SCLT1: variants seen among roughly 807,000 people sequenced by gnomAD.
The protein encoded by SCLT1 is sodium channel and clathrin linker 1, also known as sodium channel-associated protein 1.
SCLT1 carries 78 observed loss-of-function variants against 112.8 expected under a neutral mutation model. The observed-to-expected ratio is 0.69, with a 90% CI of 0.58 to 0.83. SCLT1 has a LOEUF of 0.83. Among genes scored for constraint, SCLT1 ranks in the 40% least tolerant of loss-of-function variants. SCLT1 has a pLI of 0.00. For synonymous variants in SCLT1, 257 were observed against 254.7 expected, an observed-to-expected ratio of 1.01 and a Z score of -0.09; for missense variants, 747 against 770.4, an observed-to-expected ratio of 0.97 and a Z score of 0.36.
intron 9 of SCLT1, among the ~76,000 whole-genome samples, chr4:128,978,561 A>G (rs13124420): frequency 0.088 from 13,357 of 152,116 alleles, 753 homozygotes; most frequent in South Asian, 0.15. Flanking sequence ...AGGAAAATCA[A>G]CAACCAAGGA....
chr4:128,955,513 T>C (rs1422584214), intron 13 of SCLT1, among the ~76,000 whole-genome samples: 1 of 152,216 alleles, frequency 6.6e-6, no homozygotes, highest in Non-Finnish European at 1.5e-5. Flanking sequence ...TTCAATTTTA[T>C]AGCCAGAACA....
intron 2 of SCLT1, among the ~76,000 whole-genome samples, chr4:129,064,826 G>A (rs1750326998): frequency 1.3e-5 from 2 of 152,044 alleles, no homozygotes; most frequent in Non-Finnish European, 2.9e-5. Flanking sequence ...ATAGCTAAAT[G>A]CCACTGTGGT....
At chr4:129,051,790 C>A (rs940227270) in intron 2 of SCLT1, among the ~76,000 whole-genome samples, 2 of 152,140 alleles carry the variant, frequency 1.3e-5, no homozygotes, top group Non-Finnish European at 1.5e-5. Flanking sequence ...GAGAGGGCAT[C>A]CTTGTCACGT....
rs1286598050 is a variant in SCLT1, at chr4:128,970,279, C to A, written c.777+99G>T. On this transcript the variant is annotated intron_variant, in intron 10 of 20. Transcript: ENST00000281142. ...AAGGGTATTAAAATAATTAATTCAT[C>A]TTCTGACAACCCTCTTTAACACCTA... The A allele has an allele frequency of 1.0e-5, 7 of 693,930 alleles. No individual in the cohort carries two copies. The African/African-American group carries it at 1.1e-4, about 11-fold the overall frequency. 43.0% of individuals were successfully genotyped at this position (693,930 alleles called of 1,614,324 possible). A position where few individuals can be genotyped will look rare whatever the true frequency, so the allele number is the denominator to read the frequency against.
At chr4:128,944,344 A>G (rs1737960662) in intron 16 of SCLT1, among the ~76,000 whole-genome samples, 1 of 152,134 alleles carries the variant, frequency 6.6e-6, no homozygotes, top group South Asian at 2.1e-4. Context: ...CTCCTAATAG[A>G]CGTCCACAAT....
chr4:129,038,708 A>T (rs536607981), intron 5 of SCLT1, among the ~76,000 whole-genome samples: 9 of 152,248 alleles, frequency 5.9e-5, no homozygotes, highest in African/African-American at 1.9e-4. Flanking sequence ...TAACATACAT[A>T]TATATTATAT....
chr4:128,978,165 G>A (rs1741342604), intron 9 of SCLT1, among the ~76,000 whole-genome samples: 1 of 152,128 alleles, frequency 6.6e-6, no homozygotes. Context: ...GAGGTTCCAT[G>A]TATAAGATTT....
intron 2 of SCLT1, among the ~76,000 whole-genome samples, chr4:129,060,101 T>C (rs1749818549): frequency 6.6e-6 from 1 of 152,208 alleles, no homozygotes; most frequent in Non-Finnish European, 1.5e-5. Flanking sequence ...TTGTTCTGCT[T>C]GATCAAGTCT....
chr4:129,093,337 C>G lies in SCLT1; in HGVS notation c.-234G>C. 1.7e-6 allele frequency: 1 copy of G among 571,846 alleles called. No homozygotes were observed. Among genetic ancestry groups the G allele is most frequent in the Non-Finnish European group, 3.1e-6 (1 of 319,790 alleles). The allele number at this position is 571,846 out of a possible 1,614,324, so 35.4% of individuals were successfully genotyped here. ...AGACTGAAGATTGCTGGGGACTCCA[C>G]GTTCAACCGAATCCCACGCTGGTGG... On this transcript the variant is annotated 5_prime_UTR_variant, in exon 1 of 21. Coordinates refer to ENST00000281142, the MANE Select transcript of SCLT1 (RefSeq NM_144643.4).
rs145237590 is a variant in SCLT1 at position 128,951,331 on chromosome 4, T to C, written c.1218+1438A>G. 4.5e-3 allele frequency among the ~76,000 whole-genome samples: 691 copies of C among 152,268 alleles called. 5 individuals are homozygous for C. The highest frequency in any genetic ancestry group is 6.8e-3 in the Non-Finnish European group (465 of 67,966). On this transcript the variant is annotated intron_variant, in intron 14 of 20. Coordinates refer to ENST00000281142, the MANE Select transcript of SCLT1 (RefSeq NM_144643.4). ...CAATTACACAGTATAGTTCTCCCCA[T>C]AGAATCAACATGACTATGAGATGTT...
chr4:128,933,575 T>C (rs1315970155), intron 18 of SCLT1, among the ~76,000 whole-genome samples: 2 of 152,114 alleles, frequency 1.3e-5, no homozygotes. Flanking sequence ...CCCAAATCTG[T>C]AATCAATCAT....
chr4:129,026,266 C>A (rs1029767486), intron 5 of SCLT1, among the ~76,000 whole-genome samples: 1 of 152,100 alleles, frequency 6.6e-6, no homozygotes, highest in African/African-American at 2.4e-5. Context: ...AGCACCACAC[C>A]ACACCTATTC....
chr4:128,987,969 T>C (rs1034599294), intron 9 of SCLT1, among the ~76,000 whole-genome samples: 6 of 151,716 alleles, frequency 4.0e-5, no homozygotes, highest in African/African-American at 9.7e-5. Flanking sequence ...AAAAGCAAAA[T>C]TGTCTTTCAA....
At chr4:129,078,268 C>G (rs1002413930) in intron 2 of SCLT1, among the ~76,000 whole-genome samples, 2 of 152,206 alleles carry the variant, frequency 1.3e-5, no homozygotes, top group African/African-American at 4.8e-5. Context: ...GCAGGTGCAT[C>G]TGAAAGGCTA....
chr4:128,970,837 T>C (rs1740629119), intron 9 of SCLT1: 1 of 162,380 alleles, frequency 6.2e-6, no homozygotes, highest in South Asian at 1.8e-4. Context: ...AATATCTTTA[T>C]AGATGGAGAT....
intron 8 of SCLT1, among the ~76,000 whole-genome samples, chr4:128,993,190 A>G (rs1280420379): frequency 6.6e-6 from 1 of 151,966 alleles, no homozygotes; most frequent in South Asian, 2.1e-4. Context: ...ACTCATTCTC[A>G]GGTAGAATTA....
chr4:129,012,833 A>C (rs1744658626), intron 5 of SCLT1, among the ~76,000 whole-genome samples: 2 of 149,142 alleles, frequency 1.3e-5, no homozygotes, highest in Non-Finnish European at 3.0e-5. Context: ...CTAGGATCGT[A>C]ACCCCTACTT....
In SCLT1 at chr4:129,023,855, G is replaced by T. The variant is rs187636852; in HGVS notation, c.290+15186C>A. ...CACCCTAATACTGCGCTTTTCCGAC[G>T]GGCTTAGAAAATGGCACACCAGGAG... On this transcript the variant is annotated intron_variant, in intron 5 of 20. Coordinates refer to ENST00000281142, the MANE Select transcript of SCLT1 (RefSeq NM_144643.4). 5.0e-3 allele frequency among the ~76,000 whole-genome samples: 764 copies of T among 152,314 alleles called. 6 individuals carry two copies. The highest frequency in any genetic ancestry group is 0.017 in the African/African-American group (718 of 41,578).
At chr4:129,022,307 C>T (rs1444799239) in intron 5 of SCLT1, among the ~76,000 whole-genome samples, 1 of 152,148 alleles carries the variant, frequency 6.6e-6, no homozygotes, top group Non-Finnish European at 1.5e-5. Flanking sequence ...AAAGAATTGA[C>T]AGAAGTAGGC....
Sources: gnomAD v4.1 joint callset for allele counts (sites outside exome capture counted in the v4.1 genomes callset) on GRCh38, gnomAD v4.1.1 for gene constraint, MANE v1.5 for transcripts, NCBI Gene and HGNC (gene_info 2026-07-23, HGNC 2026-07-21) for gene names.